Variants in MTR observed in about 807,000 individuals in gnomAD.
MTR encodes 5-methyltetrahydrofolate-homocysteine methyltransferase.
In MTR, 84 loss-of-function variants were observed where a neutral mutation model predicts 154.8. The ratio of observed to expected loss-of-function variants is 0.54; its 90% CI spans 0.45 to 0.65. The LOEUF (loss-of-function observed/expected upper bound fraction) is 0.65. Ranked by LOEUF, MTR falls within the 30% of genes least tolerant of loss-of-function variation. The pLI is 0.00. For missense variants in MTR, 1,275 were observed against 1,570.2 expected (o/e 0.81, Z 3.18); for synonymous variants, 554 against 553.9 (o/e 1.00, Z 0.00).
intron 1 of MTR, among the ~76,000 whole-genome samples, chr1:236,800,872 G>A (rs534355143): frequency 6.6e-6 from 1 of 152,328 alleles, no homozygotes; most frequent in Admixed American, 6.5e-5. Context: ...TGAAGGCAGG[G>A]CTGATGTTTC....
chr1:236,858,228 A>G (rs1011312686), intron 18 of MTR, among the ~76,000 whole-genome samples: 2 of 152,190 alleles, frequency 1.3e-5, no homozygotes, highest in African/African-American at 4.8e-5. Context: ...TCTCACAATC[A>G]TAATGGAAGG....
At chr1:236,868,779 A>G (rs1664959541) in intron 22 of MTR, among the ~76,000 whole-genome samples, 2 of 152,248 alleles carry the variant, frequency 1.3e-5, no homozygotes, top group Non-Finnish European at 2.9e-5. Context: ...ATGGCTGAGC[A>G]TGAAAATAAT....
chr1:236,874,631 C>A, intron 23 of MTR, 95 bp from the exon 24 acceptor site: 1 of 1,072,016 alleles, frequency 9.3e-7, no homozygotes, highest in Non-Finnish European at 1.3e-6. Flanking sequence ...GTCTTCATTA[C>A]AAAGTTTTTT....
rs904432262 is a variant in MTR, at chr1:236,846,624, G to A, written c.1516-3720G>A. Among the ~76,000 whole-genome samples the A allele has an allele frequency of 2.6e-5, 4 of 152,140 alleles. No individual in the cohort carries two copies. The South Asian group carries it at 6.2e-4, about 24-fold the overall frequency. ...TAGATTTGTCATTGAGGAACATGGCGTGTCTTTCAATTACTCATTCAATGG... is the reference window on the plus strand; with the variant it reads ...TAGATTTGTCATTGAGGAACATGGCATGTCTTTCAATTACTCATTCAATGG... On this transcript the variant is annotated intron_variant, in intron 15 of 32. Transcript: ENST00000366577.
At chr1:236,894,091 T>G (rs1314387708) in intron 29 of MTR, among the ~76,000 whole-genome samples, 3 of 152,176 alleles carry the variant, frequency 2.0e-5, no homozygotes, top group African/African-American at 4.8e-5. Context: ...AGTGAACTGG[T>G]GTCTTGACAA....
intron 1 of MTR, among the ~76,000 whole-genome samples, chr1:236,799,791 G>T (rs10925236): frequency 0.72 from 107,781 of 149,332 alleles, 39,870 homozygotes; most frequent in African/African-American, 0.91. Context: ...AATTCATTGT[G>T]TTTTTTTTTT....
At chr1:236,856,586 G>A (rs543452885) in intron 18 of MTR, among the ~76,000 whole-genome samples, 7 of 150,768 alleles carry the variant, frequency 4.6e-5, no homozygotes, top group Non-Finnish European at 1.0e-4. Flanking sequence ...GAATGTGCAG[G>A]TTTGTTACAC....
At chr1:236,862,197 G>A (rs1165878062) in intron 20 of MTR, 39 bp from the exon 21 acceptor site, 1 of 1,550,660 alleles carries the variant, frequency 6.4e-7, no homozygotes, top group Non-Finnish European at 8.9e-7. Flanking sequence ...TTGTTCCTGT[G>A]GTTTGGGAAA....
At chr1:236,894,822 A>C (rs1056176220) in intron 30 of MTR, 17 of 509,304 alleles carry the variant, frequency 3.3e-5, no homozygotes, top group Non-Finnish European at 1.1e-5. Context: ...TCTCTACCTT[A>C]TCTCTGTTGT....
chr1:236,875,405 T>C (rs1470244175), intron 24 of MTR, among the ~76,000 whole-genome samples: 2 of 152,200 alleles, frequency 1.3e-5, no homozygotes, highest in Non-Finnish European at 2.9e-5. Flanking sequence ...GTATAAAATG[T>C]AAAGATGAGA....
At chr1:236,798,496 A>G (rs1660527876) in intron 1 of MTR, among the ~76,000 whole-genome samples, 1 of 152,266 alleles carries the variant, frequency 6.6e-6, no homozygotes, top group East Asian at 1.9e-4. Context: ...CACGGAAAAA[A>G]ACCCCACAAA....
chr1:236,811,891 G>A (rs1338581607), intron 5 of MTR, among the ~76,000 whole-genome samples: 1 of 152,182 alleles, frequency 6.6e-6, no homozygotes, highest in African/African-American at 2.4e-5. Context: ...ACCTGTCAAC[G>A]ATGTTACAAG....
chr1:236,896,193 C>T (rs1572351077), intron 31 of MTR, among the ~76,000 whole-genome samples: 1 of 152,186 alleles, frequency 6.6e-6, no homozygotes, highest in African/African-American at 2.4e-5. Context: ...TCTGTGGCTG[C>T]ACATTGTCAT....
intron 8 of MTR, among the ~76,000 whole-genome samples, chr1:236,821,296 A>G (rs1465628155): frequency 6.6e-6 from 1 of 152,226 alleles, no homozygotes; most frequent in Non-Finnish European, 1.5e-5. Flanking sequence ...TATTCCCTTG[A>G]GAACTAATTC....
chr1:236,795,329 G>A lies in MTR; in HGVS notation c.-375G>A, dbSNP rs940964751. 2.3e-6 allele frequency: 3 copies of A among 1,285,836 alleles called. No homozygotes were observed. The highest frequency in any genetic ancestry group is 3.0e-5 in the African/African-American group (2 of 66,306). 79.7% of individuals were successfully genotyped at this position (1,285,836 alleles called of 1,614,324 possible). On this transcript the variant is annotated 5_prime_UTR_variant, in exon 1 of 33. Coordinates refer to ENST00000366577, the MANE Select transcript of MTR (RefSeq NM_000254.3). ...GCTCTGAAAGGTTCTAAATGTCTGC[G>A]GGGCTCAGAGCCGGATGTCACGTCG...
At chr1:236,874,189 A>C (rs1345650062) in intron 23 of MTR, among the ~76,000 whole-genome samples, 3 of 152,212 alleles carry the variant, frequency 2.0e-5, no homozygotes, top group South Asian at 4.1e-4. Context: ...AAACTATGGC[A>C]AGTAATTATT....
At chr1:236,897,425 C>A (rs1277371879) in intron 32 of MTR, 133 bp from the exon 33 acceptor site, 7 of 892,120 alleles carry the variant, frequency 7.8e-6, no homozygotes, top group Middle Eastern at 6.5e-4. Context: ...ATATCTATCT[C>A]CATTTAACTC....
At chr1:236,816,366 A>G in intron 7 of MTR, 83 bp from the exon 8 acceptor site, 1 of 1,131,146 alleles carries the variant, frequency 8.8e-7, no homozygotes, top group Non-Finnish European at 1.4e-6. Context: ...AAAGGAAGTC[A>G]GTGTGTTCAT....
intron 2 of MTR, 128 bp downstream of exon 2, chr1:236,803,770 C>G: frequency 1.0e-6 from 1 of 955,268 alleles, no homozygotes; most frequent in Non-Finnish European, 1.6e-6. Context: ...ATTCAGAAAG[C>G]AGGTTTTGGA....
Sources: allele counts gnomAD v4.1 joint callset (sites outside exome capture counted in the v4.1 genomes callset), GRCh38; gene constraint gnomAD v4.1.1; transcripts MANE v1.5; gene names NCBI Gene and HGNC (gene_info 2026-07-23, HGNC 2026-07-21).